The following ATRN variants were observed in gnomAD, a reference collection of about 807,000 sequenced individuals.
ATRN encodes attractin-2.
Under a neutral mutation model 178.7 loss-of-function variants are expected in ATRN, and 54 were observed. The observed-to-expected ratio is 0.30, with a 90% CI of 0.24 to 0.38. The LOEUF (loss-of-function observed/expected upper bound fraction) is 0.38. Among genes scored for constraint, ATRN ranks in the 10% least tolerant of loss-of-function variants. The pLI is 1.00. For missense variants in ATRN, 1,443 were observed against 1,815.1 expected, an observed-to-expected ratio of 0.79 and a Z score of 3.73; for synonymous variants, 636 against 663.0, an observed-to-expected ratio of 0.96 and a Z score of 0.63.
At chr20:3,629,167 C>A (rs1387055393) in intron 25 of ATRN, 1 of 985,412 alleles carries the variant, frequency 1.0e-6, no homozygotes, top group Middle Eastern at 5.2e-4. Flanking sequence ...ATCACAGTCT[C>A]GCCTGGACCT....
intron 3 of ATRN, among the ~76,000 whole-genome samples, chr20:3,542,041 C>T (rs1363265301): frequency 6.6e-6 from 1 of 152,148 alleles, no homozygotes; most frequent in African/African-American, 2.4e-5. Context: ...GAACTGAGAA[C>T]CAAGGCCATT....
At chr20:3,629,479 G>C (rs180709872) in intron 25 of ATRN, among the ~76,000 whole-genome samples, 36 of 152,006 alleles carry the variant, frequency 2.4e-4, no homozygotes, top group Non-Finnish European at 4.4e-5. Context: ...TTCATACCTT[G>C]CTTGATTTTT....
chr20:3,545,655 T>C, intron 3 of ATRN, 107 bp from the exon 4 acceptor site: 1 of 1,411,150 alleles, frequency 7.1e-7, no homozygotes, highest in Non-Finnish European at 9.6e-7. Context: ...TCTTCCTGGA[T>C]GTGGTTTTTA....
intron 27 of ATRN, among the ~76,000 whole-genome samples, chr20:3,641,848 A>T (rs187480355): frequency 6.6e-6 from 1 of 152,354 alleles, no homozygotes; most frequent in East Asian, 1.9e-4. Context: ...AGGATGTGCT[A>T]AAATGAAGGA....
intron 1 of ATRN, among the ~76,000 whole-genome samples, chr20:3,497,091 C>A (rs1446899005): frequency 6.6e-6 from 1 of 150,494 alleles, no homozygotes; most frequent in African/African-American, 2.4e-5. Context: ...ATACAGCACA[C>A]TGATGGGTCT....
chr20:3,607,217 C>T (rs919334727), intron 24 of ATRN, among the ~76,000 whole-genome samples: 1 of 152,128 alleles, frequency 6.6e-6, no homozygotes, highest in Non-Finnish European at 1.5e-5. Context: ...ATATCCATCA[C>T]CTCAAACATT....
intron 7 of ATRN, 98 bp from the exon 8 acceptor site, chr20:3,560,564 T>G: frequency 9.0e-7 from 1 of 1,105,626 alleles, no homozygotes; most frequent in South Asian, 1.6e-5. Flanking sequence ...TGACTAACCT[T>G]TTTTAAGCTG....
chr20:3,546,673 G>A (rs922213435), intron 4 of ATRN, among the ~76,000 whole-genome samples: 5 of 152,206 alleles, frequency 3.3e-5, no homozygotes, highest in Non-Finnish European at 7.4e-5. Context: ...TTACAGCCGT[G>A]AGCCACTGCG....
At chr20:3,576,012 G>A in intron 13 of ATRN, 64 bp downstream of exon 13, 1 of 1,530,232 alleles carries the variant, frequency 6.5e-7, no homozygotes, top group Non-Finnish European at 8.8e-7. Flanking sequence ...AGCTTTTATA[G>A]TGTATATGGT....
At chr20:3,553,730 C>T (rs2085821776) in intron 6 of ATRN, among the ~76,000 whole-genome samples, 1 of 152,194 alleles carries the variant, frequency 6.6e-6, no homozygotes, top group African/African-American at 2.4e-5. Context: ...TGTGTTTGCC[C>T]TTCCCTTGGT....
chr20:3,563,467 C>A lies in ATRN; in HGVS notation c.1786+104C>A, dbSNP rs563177142. The A allele has an allele frequency of 5.9e-5, 71 of 1,196,676 alleles. 1 individual carries two copies. The Middle Eastern group carries it at 1.4e-3, about 24-fold the overall frequency. The allele number at this position is 1,196,676 out of a possible 1,614,324, so 74.1% of individuals were successfully genotyped here. On this transcript the variant is annotated intron_variant, in intron 10 of 28. Transcript: ENST00000262919. ...TATTGCCAGTTCAAAATGATCAGGC[C>A]ATTTGAAAGAGGTCCAAATGGTATT...
At chr20:3,630,397 AG>A (rs1292322686) in intron 25 of ATRN, among the ~76,000 whole-genome samples, 4 of 152,120 alleles carry the variant, frequency 2.6e-5, no homozygotes, top group Non-Finnish European at 1.5e-5. Flanking sequence ...TAATCTAGTA[AG>A]ATATTTGTGG....
At chr20:3,513,135 A>G (rs994199258) in intron 1 of ATRN, among the ~76,000 whole-genome samples, 3 of 152,150 alleles carry the variant, frequency 2.0e-5, no homozygotes, top group Admixed American at 6.5e-5. Flanking sequence ...TGTCAATTTT[A>G]GCTTTTGTTA....
At chr20:3,522,310 G>T (rs1228710469) in intron 1 of ATRN, among the ~76,000 whole-genome samples, 1 of 152,164 alleles carries the variant, frequency 6.6e-6, no homozygotes, top group Non-Finnish European at 1.5e-5. Flanking sequence ...GTTTTTATTA[G>T]AAAAGAGAAA....
intron 1 of ATRN, among the ~76,000 whole-genome samples, chr20:3,481,970 A>G (rs1270670737): frequency 6.6e-6 from 1 of 151,784 alleles, no homozygotes; most frequent in Admixed American, 6.6e-5. Flanking sequence ...TAAGAGTCAC[A>G]TAAGTAACCT....
At chr20:3,618,643 G>A (rs549348718) in intron 24 of ATRN, among the ~76,000 whole-genome samples, 59 of 152,290 alleles carry the variant, frequency 3.9e-4, no homozygotes, top group African/African-American at 1.3e-3. Context: ...GTGAGTGTTC[G>A]TTTGCATGGC....
intron 1 of ATRN, among the ~76,000 whole-genome samples, chr20:3,478,468 C>T (rs542978849): frequency 6.6e-6 from 1 of 152,152 alleles, no homozygotes; most frequent in Non-Finnish European, 1.5e-5. Context: ...GAACAGAAAA[C>T]CAAACACCGC....
chr20:3,526,128 C>T (rs2085361088), intron 1 of ATRN, among the ~76,000 whole-genome samples: 1 of 152,178 alleles, frequency 6.6e-6, no homozygotes, highest in Non-Finnish European at 1.5e-5. Flanking sequence ...TTGCAGATGA[C>T]ATGATTGTAT....
chr20:3,588,749 A>C (rs1264249698), intron 18 of ATRN, among the ~76,000 whole-genome samples: 2 of 152,184 alleles, frequency 1.3e-5, no homozygotes, highest in South Asian at 4.1e-4. Flanking sequence ...GAGTTCGTCA[A>C]GGATTAGCAT....
Sources: gnomAD v4.1 joint callset for allele counts (sites outside exome capture counted in the v4.1 genomes callset) on GRCh38, gnomAD v4.1.1 for gene constraint, MANE v1.5 for transcripts, NCBI Gene and HGNC (gene_info 2026-07-23, HGNC 2026-07-21) for gene names.